SIAE: variants seen among roughly 807,000 people sequenced by gnomAD.
The protein encoded by SIAE is sialate O-acetylesterase.
A neutral mutation model predicts 52.6 loss-of-function variants in SIAE; 39 were observed. That is an observed-to-expected ratio of 0.74 (90% confidence interval 0.57 to 0.97). SIAE has a LOEUF of 0.97. Ranked by LOEUF, SIAE falls within the 50% of genes least tolerant of loss-of-function variation. SIAE has a pLI of 0.00. For synonymous variants in SIAE, 233 were observed against 241.4 expected (o/e 0.97, Z 0.32); for missense variants, 592 against 662.1 (o/e 0.89, Z 1.16).
At position 124,648,156 on chromosome 11, in the gene SIAE, C is replaced by T. The variant is rs753206012; in HGVS notation, c.742G>A (p.Val248Ile). 1 of 1,613,720 alleles carries T rather than the reference C, an allele frequency of 6.2e-7. No homozygotes were observed. ...ACAGAGTGCTTACTGGGACCAGTTACAGAATCGTATGGAATGGACCTGAAA... is the reference window on the plus strand; with the variant it reads ...ACAGAGTGCTTACTGGGACCAGTTATAGAATCGTATGGAATGGACCTGAAA... ...PKQGSIPYDS[V>I]TGPSKHSVLW... Residue 248 changes from valine (V) to isoleucine (I), a missense_variant, in exon 6 of 10, where the codon GTA becomes ATA. By Grantham distance (29) the Val-to-Ile change is conservative. Coordinates refer to ENST00000263593, the MANE Select transcript of SIAE (RefSeq NM_170601.5).
chr11:124,675,191 G>A, upstream of SIAE: 1 of 1,529,084 alleles, frequency 6.5e-7, no homozygotes, highest in Middle Eastern at 1.8e-4. Flanking sequence ...GATTATATAA[G>A]TAAAATCAGA....
intron 3 of SIAE, chr11:124,660,330 A>C: frequency 2.7e-6 from 1 of 371,820 alleles, no homozygotes; most frequent in Non-Finnish European, 5.0e-6. Context: ...ATAAAAATCA[A>C]CTTGAGAAGA....
intron 3 of SIAE, among the ~76,000 whole-genome samples, chr11:124,656,786 G>A (rs541586005): frequency 6.6e-6 from 1 of 152,122 alleles, no homozygotes; most frequent in Non-Finnish European, 1.5e-5. Flanking sequence ...GGGCCAACGG[G>A]AGCATCAGGA....
chr11:124,669,759 C>T (rs996525825), intron 1 of SIAE: 2 of 520,698 alleles, frequency 3.8e-6, no homozygotes, highest in Admixed American at 6.0e-5. Flanking sequence ...TTCCCAGAGC[C>T]CAAGGCAACC....
In SIAE at chr11:124,663,534, ACTGCACTCCAGC is replaced by A. The variant is rs569792778; in HGVS notation, c.230-2743_230-2732del. Among the ~76,000 whole-genome samples the A allele has an allele frequency of 3.4e-3, 521 of 152,348 alleles. 1 individual carries two copies. Among genetic ancestry groups the A allele is most frequent in the Middle Eastern group, 6.8e-3 (2 of 294 alleles). Reference sequence around the variant, plus strand: ...GCTTGCAGTGAGCCGAGACTGTGCCACTGCACTCCAGCCTGGGCGACAGAGCGAGACTTTGTC... The same window carrying A: ...GCTTGCAGTGAGCCGAGACTGTGCCACTGGGCGACAGAGCGAGACTTTGTC... On this transcript the variant is annotated intron_variant, in intron 2 of 9. Coordinates refer to ENST00000263593, the MANE Select transcript of SIAE (RefSeq NM_170601.5).
chr11:124,653,757 G>A (rs1168892266), intron 4 of SIAE, among the ~76,000 whole-genome samples: 2 of 152,212 alleles, frequency 1.3e-5, no homozygotes, highest in Admixed American at 6.5e-5. Context: ...GATGTTTACT[G>A]TTGTTTTGTT....
intron 3 of SIAE, chr11:124,659,684 A>G (rs1462439300): frequency 6.6e-6 from 1 of 150,634 alleles, no homozygotes; most frequent in Non-Finnish European, 1.5e-5. Context: ...TAAATAAGAC[A>G]GAATGTAAGA....
At position 124,638,582 on chromosome 11, in the gene SIAE, T is replaced by C; in HGVS notation, c.1280A>G (p.Gln427Arg). Residue 427 changes from glutamine (Q) to arginine (R), a missense_variant, in exon 9 of 10, where the codon CAG becomes CGG. Gln to Arg is a conservative substitution (Grantham distance 43, BLOSUM62 1). Transcript: ENST00000263593. ...HKGLLNLTYY[Q>R]QIQVQKKDNK... ...GTCCTTTTTCTGCACCTGGATTTGC[T>C]GGTAATATGTGAGATTGAGCAGCCC... 1 of 1,614,172 alleles carries C rather than the reference T, an allele frequency of 6.2e-7. No individual in the cohort carries two copies. The highest frequency in any genetic ancestry group is 8.5e-7 in the Non-Finnish European group (1 of 1,180,002).
intron 2 of SIAE, among the ~76,000 whole-genome samples, chr11:124,664,588 G>A (rs1943245673): frequency 6.6e-6 from 1 of 152,046 alleles, no homozygotes; most frequent in East Asian, 1.9e-4. Context: ...GCCAAGGGCA[G>A]TGAAAAACTC....
chr11:124,667,724 G>A (rs1373264538), intron 2 of SIAE, among the ~76,000 whole-genome samples: 2 of 152,060 alleles, frequency 1.3e-5, no homozygotes, highest in Admixed American at 6.5e-5. Flanking sequence ...CAGCTATAGC[G>A]CTATCTGTAA....
chr11:124,649,142 T>C (rs1365093924), intron 5 of SIAE, among the ~76,000 whole-genome samples: 1 of 152,198 alleles, frequency 6.6e-6, no homozygotes, highest in Admixed American at 6.5e-5. Context: ...TGTTGGATTG[T>C]TTATTCTTCT....
At position 124,652,093 on chromosome 11, in the gene SIAE, T is replaced by C. The variant is rs533778316; in HGVS notation, c.545-2297A>G. Among the ~76,000 whole-genome samples the C allele has an allele frequency of 1.0e-3, 158 of 152,208 alleles. 2 individuals are homozygous for C. The highest frequency in any genetic ancestry group is 3.7e-3 in the African/African-American group (152 of 41,520). On this transcript the variant is annotated intron_variant, in intron 4 of 9. Transcript: ENST00000263593. ...GATTATAAAAGAGAACAGTGGAAGA[T>C]AAGACTGGAGGGGAGGTTAGAGCCA...
chr11:124,657,345 G>A lies in SIAE; in HGVS notation c.406-2552C>T, dbSNP rs151093837. ...CAGCAGCAAGTACCTGTAAAAAGCC[G>A]CCTCCTTTGGAATTCAGTTCTGCAC... On this transcript the variant is annotated intron_variant, in intron 3 of 9. Coordinates refer to ENST00000263593, the MANE Select transcript of SIAE (RefSeq NM_170601.5). 3.9e-4 allele frequency among the ~76,000 whole-genome samples: 59 copies of A among 152,292 alleles called. No homozygotes were observed. In the East Asian group the frequency reaches 9.7e-3, roughly 25 times the overall value.
intron 3 of SIAE, among the ~76,000 whole-genome samples, chr11:124,656,433 C>G (rs1047571075): frequency 6.6e-6 from 1 of 152,060 alleles, no homozygotes; most frequent in African/African-American, 2.4e-5. Context: ...TCAGAACAGT[C>G]CCAAGGAATT....
chr11:124,669,621 G>T (rs746977242), intron 1 of SIAE, 100 bp from the exon 2 acceptor site: 23 of 1,105,732 alleles, frequency 2.1e-5, no homozygotes, highest in Non-Finnish European at 2.7e-5. Context: ...TTATGCAAGA[G>T]AATTTTAACA....
intron 9 of SIAE, among the ~76,000 whole-genome samples, chr11:124,637,700 A>G (rs1942774273): frequency 2.0e-5 from 3 of 152,224 alleles, no homozygotes; most frequent in South Asian, 2.1e-4. Context: ...CAACTGACTA[A>G]AGAGAAGAGC....
chr11:124,663,585 A>T (rs751611848), intron 2 of SIAE, among the ~76,000 whole-genome samples: 12 of 152,216 alleles, frequency 7.9e-5, no homozygotes, highest in Non-Finnish European at 1.5e-4. Flanking sequence ...AAAATAAAAT[A>T]AAATAAAATA....
chr11:124,638,930 G>T (rs1427219331), intron 8 of SIAE, among the ~76,000 whole-genome samples, 193 bp from the exon 9 acceptor site: 1 of 152,142 alleles, frequency 6.6e-6, no homozygotes, highest in Non-Finnish European at 1.5e-5. Context: ...GCCTTCTATG[G>T]GTTGGAAACC....
intron 5 of SIAE, 28 bp downstream of exon 5, chr11:124,649,591 T>C: frequency 6.2e-7 from 1 of 1,612,984 alleles, no homozygotes; most frequent in Non-Finnish European, 8.5e-7. Context: ...TGGTAGGCTC[T>C]TTCTCAGACT....
Sources: gnomAD v4.1 joint callset for allele counts (sites outside exome capture counted in the v4.1 genomes callset) on GRCh38, gnomAD v4.1.1 for gene constraint, MANE v1.5 for transcripts, NCBI Gene and HGNC (gene_info 2026-07-23, HGNC 2026-07-21) for gene names.